VIRMA: variants seen among roughly 807,000 people sequenced by gnomAD.
VIRMA encodes the protein vir like m6A methyltransferase associated.
In VIRMA, 65 loss-of-function variants were observed where a neutral mutation model predicts 182.4. That is an observed-to-expected ratio of 0.36 (90% confidence interval 0.29 to 0.44). The LOEUF (loss-of-function observed/expected upper bound fraction) is 0.44, where lower values mean the gene tolerates loss of function less well. VIRMA is among the 20% of genes least tolerant of loss of function. VIRMA has a pLI of 1.00. For synonymous variants in VIRMA, 709 were observed against 743.1 expected (o/e 0.95, Z 0.75); for missense variants, 1,752 against 2,158.1 (o/e 0.81, Z 3.73).
At chr8:94,513,316 G>A (rs1474214600) in intron 11 of VIRMA, among the ~76,000 whole-genome samples, 2 of 150,724 alleles carry the variant, frequency 1.3e-5, no homozygotes, top group African/African-American at 2.4e-5. Flanking sequence ...CAGCCTGGGC[G>A]ACAGAGCAAG....
chr8:94,527,858 C>T (rs910185827), intron 7 of VIRMA, among the ~76,000 whole-genome samples: 4 of 152,186 alleles, frequency 2.6e-5, no homozygotes, highest in Non-Finnish European at 4.4e-5. Context: ...AACAATTTCA[C>T]ATTCCAGAAT....
chr8:94,547,696 T>C (rs1263511169), intron 1 of VIRMA, among the ~76,000 whole-genome samples: 1 of 150,928 alleles, frequency 6.6e-6, no homozygotes, highest in Non-Finnish European at 1.5e-5. Context: ...GTAAAACAAT[T>C]TAGCTTCAAG....
intron 20 of VIRMA, among the ~76,000 whole-genome samples, chr8:94,493,962 C>T (rs553263222): frequency 6.6e-6 from 1 of 152,102 alleles, no homozygotes; most frequent in African/African-American, 2.4e-5. Flanking sequence ...CCCATTCATA[C>T]TATACTATAA....
rs1196659407 is a variant in VIRMA, at chr8:94,499,320, A to G, written c.4230+54T>C. On this transcript the variant is annotated intron_variant, in intron 17 of 23. Transcript: ENST00000297591. ...TTGGCCAAAGATTTCAAATTTAAGA[A>G]ACACCAAATACATACATACATATAT... is the stretch of plus-strand genomic sequence containing the variant. The G allele has an allele frequency of 4.6e-5, 59 of 1,283,166 alleles. 1 individual carries two copies. The highest frequency in any genetic ancestry group is 6.1e-5 in the Non-Finnish European group (58 of 952,624). 79.5% of individuals were successfully genotyped at this position (1,283,166 alleles called of 1,614,324 possible). A position where few individuals can be genotyped will look rare whatever the true frequency, so the allele number is the denominator to read the frequency against.
chr8:94,509,647 T>TA lies in VIRMA; in HGVS notation c.3879+40dup, dbSNP rs755660087. 36 of 1,522,848 alleles carry TA rather than the reference T, an allele frequency of 2.4e-5. No individual in the cohort carries two copies. In the Middle Eastern group the frequency reaches 7.0e-4, roughly 30 times the overall value. 94.3% of individuals were successfully genotyped at this position (1,522,848 alleles called of 1,614,324 possible). On this transcript the variant is annotated intron_variant, in intron 15 of 23. Coordinates refer to ENST00000297591, the MANE Select transcript of VIRMA (RefSeq NM_015496.5). ...AAATACACACACACACACACACACA[T>TA]ACACATGCAGAGAGAGACTTTATAA...
At chr8:94,528,111 G>GT (rs1815036022) in intron 7 of VIRMA, among the ~76,000 whole-genome samples, 1 of 151,700 alleles carries the variant, frequency 6.6e-6, no homozygotes, top group African/African-American at 2.4e-5. Flanking sequence ...GTGCGTGCCT[G>GT]TAAGCCCAGC....
intron 16 of VIRMA, among the ~76,000 whole-genome samples, chr8:94,500,438 C>T (rs1001678483): frequency 1.3e-5 from 2 of 152,058 alleles, no homozygotes; most frequent in Non-Finnish European, 2.9e-5. Flanking sequence ...AGCATGGGTT[C>T]AAAATTGGAC....
intron 12 of VIRMA, 87 bp downstream of exon 12, chr8:94,511,909 A>G: frequency 1.4e-6 from 1 of 724,810 alleles, no homozygotes; most frequent in Non-Finnish European, 2.0e-6. Context: ...TAAATAAATG[A>G]TGTTTAATAA....
At position 94,527,204 on chromosome 8, in the gene VIRMA, G is replaced by A; in HGVS notation, c.1040C>T (p.Pro347Leu). The change falls in exon 8 of 24, where the codon CCA (proline) becomes CTA (leucine). Residue 347 changes from proline to leucine, a missense_variant. This residue lies in a region of VIRMA where 401 missense variants were observed against 455.1 expected (regional missense o/e 0.88). Coordinates refer to ENST00000297591, the MANE Select transcript of VIRMA (RefSeq NM_015496.5). The part of the protein sequence containing the change: ...TYDPYDRELV[P>L]LLYFSCPYKT... ...GTATGGACAACTGAAGTATAAGAGT[G>A]GTACAAGCTCCCTGTCATATGGATC... 6.2e-7 allele frequency: 1 copy of A among 1,614,008 alleles called. No homozygotes were observed. Among genetic ancestry groups the A allele is most frequent in the Non-Finnish European group, 8.5e-7 (1 of 1,179,952 alleles).
chr8:94,495,063 C>T (rs547987039), intron 19 of VIRMA, 107 bp from the exon 20 acceptor site: 68 of 761,180 alleles, frequency 8.9e-5, no homozygotes, highest in South Asian at 5.2e-4. Context: ...CGCAGTGGCA[C>T]GATCACAGTT....
At chr8:94,547,712 T>C (rs1469591912) in intron 1 of VIRMA, among the ~76,000 whole-genome samples, 1 of 150,890 alleles carries the variant, frequency 6.6e-6, no homozygotes, top group East Asian at 1.9e-4. Context: ...TCAAGAATAT[T>C]ACACACCACT....
At chr8:94,495,086 G>C in intron 19 of VIRMA, 130 bp from the exon 20 acceptor site, 1 of 691,228 alleles carries the variant, frequency 1.4e-6, no homozygotes, top group Middle Eastern at 2.8e-4. Context: ...CTGCAGCCTT[G>C]ATCTCCTGGG....
intron 8 of VIRMA, among the ~76,000 whole-genome samples, chr8:94,523,556 C>T (rs758612607): frequency 3.9e-5 from 6 of 151,948 alleles, no homozygotes; most frequent in Admixed American, 2.6e-4. Context: ...ACTACAGGCG[C>T]ACACTACCAT....
Position 94,543,931 on chromosome 8 carries a change from A to G in VIRMA, c.75T>C (p.His25=), listed in dbSNP as rs1563482299. Residue 25 remains histidine (H), a synonymous_variant, in exon 2 of 24, where the codon CAT becomes CAC. Coordinates refer to ENST00000297591, the MANE Select transcript of VIRMA (RefSeq NM_015496.5). ...FKHPSAEQSS[H]IDVVRFPCVV... is the part of the protein sequence containing the mutation. ...CACATGGAAAACGAACCACATCTAT[A>G]TGAGAACTTTGCTGTAACAAAAAAA... The G allele has an allele frequency of 1.4e-5, 22 of 1,600,028 alleles. No homozygotes were observed. Among genetic ancestry groups the G allele is most frequent in the Non-Finnish European group, 1.8e-5 (21 of 1,169,508 alleles).
rs144490977 is a variant in VIRMA at position 94,491,169 on chromosome 8, T to G, written c.5140+409A>C. Among the ~76,000 whole-genome samples the G allele has an allele frequency of 4.6e-4, 65 of 140,146 alleles. 4 individuals are homozygous for G. Among genetic ancestry groups the G allele is most frequent in the African/African-American group, 1.9e-3 (65 of 34,926 alleles). The allele number at this position is 140,146 out of a possible 152,430, so 91.9% of individuals were successfully genotyped here. On this transcript the variant is annotated intron_variant, in intron 22 of 23. Coordinates refer to ENST00000297591, the MANE Select transcript of VIRMA (RefSeq NM_015496.5). ...TCTCTACTAAAAATACAAAAATTAG[T>G]TGGGCATTGTGGTGCATGCCTGTAG... is the stretch of plus-strand genomic sequence containing the variant.
intron 17 of VIRMA, 70 bp downstream of exon 17, chr8:94,499,303 AG>A (rs1813890495): frequency 8.7e-7 from 1 of 1,151,668 alleles, no homozygotes; most frequent in South Asian, 1.7e-5. Flanking sequence ...ACTTGGCCAA[AG>A]ATTTCAAATT....
chr8:94,536,542 T>C (rs573058830), intron 4 of VIRMA, among the ~76,000 whole-genome samples: 18 of 152,352 alleles, frequency 1.2e-4, no homozygotes, highest in African/African-American at 3.4e-4. Context: ...AACTTGCCTA[T>C]CTAAATGAAA....
intron 20 of VIRMA, among the ~76,000 whole-genome samples, chr8:94,493,068 A>C (rs3099407): frequency 0.68 from 103,187 of 152,040 alleles, 36,082 homozygotes; most frequent in East Asian, 0.83. Context: ...ATCTAGGAGA[A>C]CTTTGATGCC....
chr8:94,548,804 T>C (rs192182977), intron 1 of VIRMA, among the ~76,000 whole-genome samples: 1 of 152,266 alleles, frequency 6.6e-6, no homozygotes, highest in Non-Finnish European at 1.5e-5. Context: ...TACAGGCGCA[T>C]ACCATCACGC....
Sources: gnomAD v4.1 joint callset for allele counts (sites outside exome capture counted in the v4.1 genomes callset) on GRCh38, gnomAD v4.1.1 for gene constraint, gnomAD v4.1.1 regional missense constraint, MANE v1.5 for transcripts, NCBI Gene and HGNC (gene_info 2026-07-23, HGNC 2026-07-21) for gene names.